DLG2: variants seen among roughly 807,000 people sequenced by gnomAD.
DLG2 encodes the protein disks large homolog 2.
A neutral mutation model predicts 132.5 loss-of-function variants in DLG2; 45 were observed. The observed-to-expected ratio is 0.34, with a 90% CI of 0.27 to 0.44. The LOEUF is 0.44. DLG2 is among the 20% of genes least tolerant of loss of function. The probability of loss-of-function intolerance (pLI) is 1.00; values close to 1 mark genes in which losing one functional copy is unlikely to be tolerated. For missense variants in DLG2, 1,045 were observed against 1,196.9 expected, an observed-to-expected ratio of 0.87 and a Z score of 1.87; for synonymous variants, 424 against 419.6, an observed-to-expected ratio of 1.01 and a Z score of -0.13.
At chr11:83,731,340 A>G (rs11822921) in intron 18 of DLG2, among the ~76,000 whole-genome samples, 35,532 of 151,748 alleles carry the variant, frequency 0.23, 4,491 homozygotes, top group African/African-American at 0.29. Context: ...CCCTGTGTCC[A>G]TGTGTTCTTG....
chr11:85,503,163 T>C (rs915119263), intron 3 of DLG2, among the ~76,000 whole-genome samples: 2 of 152,168 alleles, frequency 1.3e-5, no homozygotes, highest in African/African-American at 2.4e-5. Context: ...AGGTGATTAA[T>C]TATTACACTG....
At chr11:83,835,895 G>A (rs1486090140) in intron 16 of DLG2, among the ~76,000 whole-genome samples, 3 of 152,062 alleles carry the variant, frequency 2.0e-5, no homozygotes, top group African/African-American at 7.2e-5. Context: ...AAGCCAACAT[G>A]AGATTGCACA....
chr11:85,397,005 A>G (rs1304074962), intron 3 of DLG2, among the ~76,000 whole-genome samples: 1 of 152,184 alleles, frequency 6.6e-6, no homozygotes, highest in Non-Finnish European at 1.5e-5. Flanking sequence ...AATAAAGGAA[A>G]AAATATTAAG....
chr11:85,608,120 T>A (rs1459669828), intron 2 of DLG2, among the ~76,000 whole-genome samples: 1 of 152,130 alleles, frequency 6.6e-6, no homozygotes, highest in East Asian at 1.9e-4. Context: ...GCTGTGGCGG[T>A]GAGCACAACT....
chr11:85,301,449 G>C (rs1273377402), intron 3 of DLG2, among the ~76,000 whole-genome samples: 1 of 152,164 alleles, frequency 6.6e-6, no homozygotes, highest in Non-Finnish European at 1.5e-5. Context: ...TGGTACAAAA[G>C]ACAGAGGCAT....
intron 6 of DLG2, among the ~76,000 whole-genome samples, chr11:84,798,692 G>C (rs929886646): frequency 2.0e-4 from 30 of 152,194 alleles, no homozygotes; most frequent in Non-Finnish European, 3.5e-4. Context: ...TGGTCCCTGA[G>C]GCCAGCACAT....
chr11:84,309,083 G>A (rs1599599991), intron 7 of DLG2, among the ~76,000 whole-genome samples: 1 of 152,254 alleles, frequency 6.6e-6, no homozygotes, highest in East Asian at 1.9e-4. Context: ...AGGACTGCCA[G>A]CACGCTGTCA....
At chr11:83,990,468 C>T (rs927110332) in intron 11 of DLG2, among the ~76,000 whole-genome samples, 14 of 152,078 alleles carry the variant, frequency 9.2e-5, no homozygotes, top group Non-Finnish European at 1.5e-4. Context: ...AAGAGAACAC[C>T]ATGAACGGAT....
intron 19 of DLG2, among the ~76,000 whole-genome samples, chr11:83,551,621 G>C (rs117446099): frequency 7.2e-5 from 11 of 152,160 alleles, no homozygotes; most frequent in Non-Finnish European, 1.5e-4. Context: ...AAACTGGATG[G>C]AAACTACAGG....
At chr11:84,369,044 C>G (rs1049836058) in intron 7 of DLG2, among the ~76,000 whole-genome samples, 11 of 152,180 alleles carry the variant, frequency 7.2e-5, no homozygotes, top group Non-Finnish European at 1.5e-4. Flanking sequence ...AATCACGTAT[C>G]CATCCCATTA....
At chr11:83,583,229 A>G (rs1052868474) in intron 19 of DLG2, among the ~76,000 whole-genome samples, 1 of 152,244 alleles carries the variant, frequency 6.6e-6, no homozygotes, top group Non-Finnish European at 1.5e-5. Flanking sequence ...CTAAATATTC[A>G]AAGGGGAAAG....
intron 6 of DLG2, among the ~76,000 whole-genome samples, chr11:84,922,772 T>C (rs993287549): frequency 1.3e-5 from 2 of 152,176 alleles, no homozygotes; most frequent in African/African-American, 4.8e-5. Context: ...TTACCTTCTC[T>C]GATTTCTTGG....
chr11:84,757,083 G>T (rs976472803), intron 6 of DLG2, among the ~76,000 whole-genome samples: 1 of 152,056 alleles, frequency 6.6e-6, no homozygotes, highest in African/African-American at 2.4e-5. Context: ...GTAACAATGG[G>T]CAAATCTTTC....
rs915397508 is a variant in DLG2, at chr11:84,531,915, G to C, written c.519+2655C>G. Among the ~76,000 whole-genome samples, 8 of 151,346 alleles carry C rather than the reference G, an allele frequency of 5.3e-5. No homozygotes were observed. In the South Asian group the frequency reaches 1.0e-3, roughly 20 times the overall value. On this transcript the variant is annotated intron_variant, in intron 7 of 27. Coordinates refer to ENST00000376104, the MANE Select transcript of DLG2 (RefSeq NM_001142699.3). Reference sequence around the variant, plus strand: ...AAGGAAAAATAGGAAAAATTCCTTTGTTTATATGAGATCTGAGCTTTAGAA... The same window carrying C: ...AAGGAAAAATAGGAAAAATTCCTTTCTTTATATGAGATCTGAGCTTTAGAA...
At chr11:83,978,795 T>C (rs1426388457) in intron 12 of DLG2, among the ~76,000 whole-genome samples, 2 of 151,928 alleles carry the variant, frequency 1.3e-5, no homozygotes, top group Non-Finnish European at 2.9e-5. Flanking sequence ...AAGTAATTAA[T>C]GAATGACAAT....
intron 15 of DLG2, among the ~76,000 whole-genome samples, chr11:83,920,931 A>T (rs1305021548): frequency 1.3e-5 from 2 of 152,168 alleles, no homozygotes; most frequent in South Asian, 2.1e-4. Context: ...AAAAGATGTG[A>T]CTATTGTTTA....
chr11:84,276,361 C>T (rs2097783212), intron 7 of DLG2, among the ~76,000 whole-genome samples: 1 of 152,308 alleles, frequency 6.6e-6, no homozygotes, highest in African/African-American at 2.4e-5. Context: ...AAGTTCTAAA[C>T]TTCCTACTTT....
intron 8 of DLG2, among the ~76,000 whole-genome samples, chr11:84,184,928 A>G (rs1596934666): frequency 3.9e-5 from 6 of 152,096 alleles, no homozygotes; most frequent in African/African-American, 9.7e-5. Flanking sequence ...CCATTCGTCT[A>G]TATCTCTGTT....
At chr11:84,248,830 G>A (rs1006596470) in intron 8 of DLG2, among the ~76,000 whole-genome samples, 8 of 152,200 alleles carry the variant, frequency 5.3e-5, no homozygotes, top group African/African-American at 1.4e-4. Context: ...TCAGGCTCCA[G>A]CCATTTGTAC....
Sources: gnomAD v4.1 joint callset for allele counts (sites outside exome capture counted in the v4.1 genomes callset) on GRCh38, gnomAD v4.1.1 for gene constraint, MANE v1.5 for transcripts, NCBI Gene and HGNC (gene_info 2026-07-23, HGNC 2026-07-21) for gene names.